Variants in RFX6 observed in about 807,000 individuals in gnomAD.
The protein encoded by RFX6 is regulatory factor X6.
Under a neutral mutation model 110.8 loss-of-function variants are expected in RFX6, and 50 were observed. The ratio of observed to expected loss-of-function variants is 0.45; its 90% confidence interval spans 0.36 to 0.57. The LOEUF is 0.57. Ranked by LOEUF, RFX6 falls within the 20% of genes least tolerant of loss-of-function variation. The pLI, the probability that RFX6 is intolerant of heterozygous loss-of-function variation, is 0.00. For missense variants in RFX6, 990 were observed against 1,127.0 expected, an observed-to-expected ratio of 0.88 and a Z score of 1.74; for synonymous variants, 383 against 411.2, an observed-to-expected ratio of 0.93 and a Z score of 0.83.
intron 2 of RFX6, among the ~76,000 whole-genome samples, chr6:116,880,118 G>T (rs1441520583): frequency 6.6e-6 from 1 of 151,962 alleles, no homozygotes; most frequent in Non-Finnish European, 1.5e-5. Context: ...AATAGGTTTT[G>T]AATGAAAGTG....
chr6:116,913,489 G>A (rs75495985), intron 7 of RFX6, among the ~76,000 whole-genome samples: 1,726 of 152,220 alleles, frequency 0.011, 26 homozygotes, highest in African/African-American at 0.039. Context: ...CCCCCACCAC[G>A]TGCTCACTGT....
At chr6:116,905,245 G>A (rs1360299142) in intron 6 of RFX6, among the ~76,000 whole-genome samples, 4 of 152,168 alleles carry the variant, frequency 2.6e-5, no homozygotes, top group African/African-American at 7.2e-5. Context: ...CCCAGTGGGT[G>A]TGATGTGGTA....
intron 4 of RFX6, chr6:116,884,994 GT>G (rs1347827338): frequency 4.6e-5 from 7 of 152,160 alleles, no homozygotes; most frequent in African/African-American, 1.7e-4. Flanking sequence ...GCAAAATGTA[GT>G]TTGTATATCT....
chr6:116,920,059 T>G (rs1198456069), intron 11 of RFX6, among the ~76,000 whole-genome samples: 2 of 152,230 alleles, frequency 1.3e-5, no homozygotes, highest in African/African-American at 4.8e-5. Context: ...GTTTGTTACA[T>G]ATGTATACAT....
chr6:116,891,933 A>G (rs1031942431), intron 4 of RFX6, among the ~76,000 whole-genome samples: 1 of 151,868 alleles, frequency 6.6e-6, no homozygotes, highest in African/African-American at 2.4e-5. Flanking sequence ...TTAATCTACC[A>G]TAGGATTTCT....
rs1775100736 is a variant in RFX6, at chr6:116,902,664, T to C, written c.672+7457T>C. ...CAGCTAGTGAAGTTGACATTATTTCTTAGGGAATGGGTCCATTGATTTCAT... is the reference window on the plus strand; with the variant it reads ...CAGCTAGTGAAGTTGACATTATTTCCTAGGGAATGGGTCCATTGATTTCAT... On this transcript the variant is annotated intron_variant, in intron 6 of 18. Transcript: ENST00000332958. Among the ~76,000 whole-genome samples, 3 of 152,084 alleles carry C rather than the reference T, an allele frequency of 2.0e-5. No individual in the cohort carries two copies. In the South Asian group the frequency reaches 6.2e-4, roughly 31 times the overall value.
chr6:116,877,561 CAAT>C (rs1774490093), intron 1 of RFX6, 63 bp downstream of exon 1: 8 of 1,248,866 alleles, frequency 6.4e-6, no homozygotes, highest in East Asian at 5.1e-5. Flanking sequence ...GAAGGGCACC[CAAT>C]AATAATAATG....
chr6:116,927,697 T>TTTTCTGTC (rs1775776969), intron 17 of RFX6, among the ~76,000 whole-genome samples, 158 bp downstream of exon 17: 1 of 151,826 alleles, frequency 6.6e-6, no homozygotes, highest in Non-Finnish European at 1.5e-5. Flanking sequence ...GTCACATACA[T>TTTTCTGTC]ATATATTTCC....
At chr6:116,900,633 A>C (rs1246478857) in intron 6 of RFX6, among the ~76,000 whole-genome samples, 2 of 152,106 alleles carry the variant, frequency 1.3e-5, no homozygotes, top group Non-Finnish European at 2.9e-5. Flanking sequence ...TAAAAATAGA[A>C]ATAAAAATAA....
intron 4 of RFX6, among the ~76,000 whole-genome samples, chr6:116,885,257 T>C (rs1442944132): frequency 6.6e-6 from 1 of 152,172 alleles, no homozygotes; most frequent in African/African-American, 2.4e-5. Flanking sequence ...ACCAGTAAAG[T>C]GGGTATACAA....
At chr6:116,926,082 C>T (rs1050493647) in intron 16 of RFX6, among the ~76,000 whole-genome samples, 7 of 152,014 alleles carry the variant, frequency 4.6e-5, no homozygotes, top group African/African-American at 1.5e-4. Flanking sequence ...TTTGGGAGGC[C>T]GAGGCGAGCA....
At chr6:116,920,528 G>T in intron 12 of RFX6, 74 bp downstream of exon 12, 6 of 1,266,176 alleles carry the variant, frequency 4.7e-6, no homozygotes, top group Non-Finnish European at 6.9e-6. Flanking sequence ...GGGTAACTCT[G>T]TTGGAGGAGC....
Position 116,925,476 on chromosome 6 carries a change from G to A in RFX6, c.1702G>A (p.Ala568Thr). ...NSDASKAAFT[A>T]SPSSCFLANR... The stretch of plus-strand genomic sequence containing the variant: ...AGATGCGAGTAAAGCTGCTTTCACT[G>A]CTTCTCCGAGTTCATGCTTTCTGGC... The change falls in exon 16 of 19, where the codon GCT becomes ACT. Residue 568 changes from alanine (A) to threonine (T), a missense_variant. Physicochemically the swap from Ala to Thr is moderately conservative, Grantham distance 58 (BLOSUM62 0). Transcript: ENST00000332958. 6.2e-7 allele frequency: 1 copy of A among 1,614,026 alleles called. No homozygotes were observed. The highest frequency in any genetic ancestry group is 1.3e-5 in the African/African-American group (1 of 75,028).
chr6:116,916,431 CTT>C, intron 9 of RFX6, 117 bp downstream of exon 9: 1 of 681,390 alleles, frequency 1.5e-6, no homozygotes. Flanking sequence ...TATACACTGT[CTT>C]TTTTTTTGAT....
rs1468988003 is a variant in RFX6, at chr6:116,923,204, T to G, written c.1535T>G (p.Leu512Trp). Reference sequence around the variant, plus strand: ...GCTCGAGTAATGCATAATCTCACCTTGAACAATGCATCCAGTTTTGGTAAC... The same window carrying G: ...GCTCGAGTAATGCATAATCTCACCTGGAACAATGCATCCAGTTTTGGTAAC... ...FGARVMHNLT[L>W]NNASSFGSFH... The change falls in exon 14 of 19, where the codon TTG becomes TGG. Residue 512 changes from leucine to tryptophan, a missense_variant. By Grantham distance (61) the Leu-to-Trp change is moderately conservative. This residue lies in a region of RFX6 where 89 missense variants were observed against 140.3 expected (regional missense o/e 0.63). Coordinates refer to ENST00000332958, the MANE Select transcript of RFX6 (RefSeq NM_173560.4). 1.3e-6 allele frequency: 2 copies of G among 1,541,598 alleles called. No individual in the cohort carries two copies. The highest frequency in any genetic ancestry group is 3.3e-5 in the Admixed American group (2 of 59,938).
chr6:116,899,607 AC>A (rs1441445807), intron 6 of RFX6, among the ~76,000 whole-genome samples: 1 of 152,176 alleles, frequency 6.6e-6, no homozygotes, highest in East Asian at 1.9e-4. Flanking sequence ...AAGGTGGAGT[AC>A]TATATAAATA....
chr6:116,910,729 A>T (rs1172370188), intron 6 of RFX6, among the ~76,000 whole-genome samples: 2 of 152,196 alleles, frequency 1.3e-5, no homozygotes, highest in Non-Finnish European at 2.9e-5. Flanking sequence ...CTAACTATGA[A>T]ACTATTGAAG....
At chr6:116,882,720 A>G (rs1774616607) in intron 4 of RFX6, among the ~76,000 whole-genome samples, 1 of 152,158 alleles carries the variant, frequency 6.6e-6, no homozygotes, top group South Asian at 2.1e-4. Context: ...ATGAGGAGGA[A>G]TGCAACGCTC....
At chr6:116,917,276 A>G (rs2114694253) in intron 9 of RFX6, among the ~76,000 whole-genome samples, 1 of 151,144 alleles carries the variant, frequency 6.6e-6, no homozygotes, top group Admixed American at 6.6e-5. Context: ...AGTACAATAT[A>G]TTTTCTGCCT....
Sources: gnomAD v4.1 joint callset for allele counts (sites outside exome capture counted in the v4.1 genomes callset) on GRCh38, gnomAD v4.1.1 for gene constraint, gnomAD v4.1.1 regional missense constraint, MANE v1.5 for transcripts, NCBI Gene and HGNC (gene_info 2026-07-23, HGNC 2026-07-21) for gene names.